CNTNAP2: variants seen among roughly 807,000 people sequenced by gnomAD.
CNTNAP2 encodes contactin-associated protein-like 2.
A neutral mutation model predicts 155.2 loss-of-function variants in CNTNAP2; 98 were observed. The observed-to-expected ratio is 0.63, with a 90% CI of 0.54 to 0.75. The LOEUF (loss-of-function observed/expected upper bound fraction) is 0.75. CNTNAP2 is among the 30% of genes least tolerant of loss of function. CNTNAP2 has a pLI of 0.00. For missense variants in CNTNAP2, 1,727 were observed against 1,688.1 expected, an observed-to-expected ratio of 1.02 and a Z score of -0.40; for synonymous variants, 651 against 631.2, an observed-to-expected ratio of 1.03 and a Z score of -0.47.
chr7:147,770,339 T>A (rs917780615), intron 13 of CNTNAP2, among the ~76,000 whole-genome samples: 2 of 152,204 alleles, frequency 1.3e-5, no homozygotes, highest in Non-Finnish European at 2.9e-5. Flanking sequence ...CACCATAGGT[T>A]TCCCTCTACT....
At chr7:148,003,039 A>G (rs1801924209) in intron 15 of CNTNAP2, among the ~76,000 whole-genome samples, 1 of 152,204 alleles carries the variant, frequency 6.6e-6, no homozygotes, top group South Asian at 2.1e-4. Flanking sequence ...CCTACAGAGA[A>G]GGCGATTAGA....
chr7:146,374,592 C>A (rs530946272), intron 1 of CNTNAP2, among the ~76,000 whole-genome samples: 1 of 152,222 alleles, frequency 6.6e-6, no homozygotes, highest in South Asian at 2.1e-4. Context: ...GTGAGTGGAA[C>A]CTTTTTAATT....
At chr7:146,832,887 A>G (rs1375856123) in intron 2 of CNTNAP2, among the ~76,000 whole-genome samples, 4 of 151,846 alleles carry the variant, frequency 2.6e-5, no homozygotes, top group Non-Finnish European at 5.9e-5. Context: ...TTTAGTAGAG[A>G]TGGGGTTGCA....
chr7:147,864,020 G>A (rs1319829252), intron 13 of CNTNAP2, among the ~76,000 whole-genome samples: 3 of 151,986 alleles, frequency 2.0e-5, no homozygotes, highest in African/African-American at 7.2e-5. Flanking sequence ...TGTCCTGAAT[G>A]GTATTGCCTA....
chr7:147,624,618 G>C (rs1440628052), intron 12 of CNTNAP2, among the ~76,000 whole-genome samples: 1 of 152,116 alleles, frequency 6.6e-6, no homozygotes, highest in Non-Finnish European at 1.5e-5. Context: ...ACAAATGCTG[G>C]TGAGGATATG....
intron 1 of CNTNAP2, among the ~76,000 whole-genome samples, chr7:146,506,767 C>T (rs1372852778): frequency 6.6e-6 from 1 of 152,200 alleles, no homozygotes; most frequent in East Asian, 1.9e-4. Flanking sequence ...ATCCACAGTG[C>T]CCTGAGTTCA....
rs531364782 is a variant in CNTNAP2, at chr7:147,818,054, A to AT, written c.2099-85502dup. Among the ~76,000 whole-genome samples the AT allele has an allele frequency of 4.1e-3, 618 of 151,740 alleles. 4 individuals are homozygous for AT. The highest frequency in any genetic ancestry group is 0.014 in the African/African-American group (596 of 41,422). ...TTGGTAGTTACAGAATTTTTCATTA[A>AT]TTTTTTTTTAAAAAAATCAGTTATT... On this transcript the variant is annotated intron_variant, in intron 13 of 23. Coordinates refer to ENST00000361727, the MANE Select transcript of CNTNAP2 (RefSeq NM_014141.6).
In CNTNAP2 at chr7:147,203,132, C is replaced by T. The variant is rs570296895; in HGVS notation, c.1348+70623C>T. Reference sequence around the variant, plus strand: ...GCACTTTAATACATTAATAGGTAAACTTAGTTTGCAAAATTATTTACATTG... The same window carrying T: ...GCACTTTAATACATTAATAGGTAAATTTAGTTTGCAAAATTATTTACATTG... On this transcript the variant is annotated intron_variant, in intron 8 of 23. Transcript: ENST00000361727. Among the ~76,000 whole-genome samples the T allele has an allele frequency of 5.9e-5, 9 of 152,096 alleles. No individual in the cohort carries two copies. In the South Asian group the frequency reaches 1.9e-3, roughly 32 times the overall value.
intron 1 of CNTNAP2, among the ~76,000 whole-genome samples, chr7:146,283,380 G>GT (rs944156314): frequency 4.6e-5 from 7 of 151,828 alleles, no homozygotes; most frequent in African/African-American, 1.2e-4. Flanking sequence ...GTTTTGTTTT[G>GT]TTTTTTTAAC....
intron 13 of CNTNAP2, among the ~76,000 whole-genome samples, chr7:147,835,379 A>C (rs967907257): frequency 6.6e-6 from 1 of 152,154 alleles, no homozygotes; most frequent in Non-Finnish European, 1.5e-5. Flanking sequence ...AGGGTGAAGA[A>C]ATGAGGCTTG....
chr7:148,180,728 A>T (rs967925019), intron 18 of CNTNAP2, among the ~76,000 whole-genome samples: 7 of 152,190 alleles, frequency 4.6e-5, no homozygotes, highest in African/African-American at 1.7e-4. Flanking sequence ...ACAGTAGATA[A>T]GGTGGAAAAC....
chr7:148,076,499 G>A (rs1191853558), intron 15 of CNTNAP2, among the ~76,000 whole-genome samples: 5 of 124,832 alleles, frequency 4.0e-5, no homozygotes, highest in South Asian at 2.8e-4. Context: ...GCAGTGGCCC[G>A]ATCTCGGCTC....
At chr7:147,927,383 A>G (rs1036200745) in intron 14 of CNTNAP2, among the ~76,000 whole-genome samples, 14 of 152,208 alleles carry the variant, frequency 9.2e-5, no homozygotes, top group African/African-American at 3.4e-4. Context: ...GGTTCTTTTT[A>G]AAGTTTAATT....
intron 6 of CNTNAP2, chr7:147,121,401 G>A (rs2129282808): frequency 2.2e-6 from 1 of 453,430 alleles, no homozygotes; most frequent in African/African-American, 2.0e-5. Context: ...TTGAAGAGAG[G>A]AACCATGCTA....
chr7:147,894,749 C>A (rs1024439060), intron 13 of CNTNAP2, among the ~76,000 whole-genome samples: 1 of 151,654 alleles, frequency 6.6e-6, no homozygotes, highest in African/African-American at 2.4e-5. Context: ...CAGAGGGCGC[C>A]AGGATCATAT....
chr7:146,866,972 T>C (rs1459329726), intron 3 of CNTNAP2, among the ~76,000 whole-genome samples: 1 of 152,162 alleles, frequency 6.6e-6, no homozygotes, highest in East Asian at 1.9e-4. Context: ...TATTTTTATA[T>C]GTAGATGCAT....
At position 147,292,216 on chromosome 7, in the gene CNTNAP2, A is replaced by G. The variant is rs1805329757; in HGVS notation, c.1349-7925A>G. Among the ~76,000 whole-genome samples, 5 of 152,166 alleles carry G rather than the reference A, an allele frequency of 3.3e-5. No individual in the cohort carries two copies. The South Asian group carries it at 8.3e-4, about 25-fold the overall frequency. On this transcript the variant is annotated intron_variant, in intron 8 of 23. Transcript: ENST00000361727. ...CAGAACTATTTTTTTGTTTGATTGTATAAAGTAGAAGTCAAAAATACATCT... is the reference window on the plus strand; with the variant it reads ...CAGAACTATTTTTTTGTTTGATTGTGTAAAGTAGAAGTCAAAAATACATCT...
In CNTNAP2 at chr7:146,270,159, G is replaced by A. The variant is rs191877056; in HGVS notation, c.97+153186G>A. Among the ~76,000 whole-genome samples, 9 of 152,234 alleles carry A rather than the reference G, an allele frequency of 5.9e-5. No homozygotes were observed. The East Asian group carries it at 1.5e-3, about 26-fold the overall frequency. ...CACGATGGTTATTTTTAAATTAGGAGTCTAATCATGTTGTTCGTCTGCCCC... is the reference window on the plus strand; with the variant it reads ...CACGATGGTTATTTTTAAATTAGGAATCTAATCATGTTGTTCGTCTGCCCC... On this transcript the variant is annotated intron_variant, in intron 1 of 23. Coordinates refer to ENST00000361727, the MANE Select transcript of CNTNAP2 (RefSeq NM_014141.6).
intron 13 of CNTNAP2, among the ~76,000 whole-genome samples, chr7:147,722,500 A>C (rs1434986219): frequency 5.9e-5 from 9 of 152,116 alleles, no homozygotes; most frequent in Non-Finnish European, 1.3e-4. Flanking sequence ...CAGTTTGCAC[A>C]GCCCTTCACC....
Sources: allele counts gnomAD v4.1 joint callset (sites outside exome capture counted in the v4.1 genomes callset), GRCh38; gene constraint gnomAD v4.1.1; transcripts MANE v1.5; gene names NCBI Gene and HGNC (gene_info 2026-07-23, HGNC 2026-07-21).